CYP2C19: variants seen among roughly 807,000 people sequenced by gnomAD.
CYP2C19 encodes cytochrome P450 2C19.
Under a neutral mutation model 40.9 loss-of-function variants are expected in CYP2C19, and 59 were observed. That is an observed-to-expected ratio of 1.44 (90% confidence interval 1.17 to 1.79). The LOEUF (loss-of-function observed/expected upper bound fraction) is 1.79. Ranked by LOEUF, CYP2C19 falls within the 40% of genes most tolerant of loss-of-function variation. The pLI, the probability that CYP2C19 is intolerant of heterozygous loss-of-function variation, is 0.00. For missense variants in CYP2C19, 754 were observed against 596.9 expected (o/e 1.26, Z -2.74); for synonymous variants, 253 against 208.7 (o/e 1.21, Z -1.83).
At position 94,780,517 on chromosome 10, in the gene CYP2C19, C is replaced by T. The variant is rs990327155; in HGVS notation, c.500C>T (p.Thr167Ile). ...CATTTAGCTTCACCCTGTGATCCCA[C>T]TTTCATCCTGGGCTGTGCTCCCTGC... ...RKTKASPCDP[T>I]FILGCAPCNV... is the part of the protein sequence containing the mutation. Residue 167 changes from threonine to isoleucine, a missense_variant, in exon 4 of 9, where the codon ACT becomes ATT. Physicochemically the swap from Thr to Ile is moderately conservative, Grantham distance 89. Coordinates refer to ENST00000371321, the MANE Select transcript of CYP2C19 (RefSeq NM_000769.4). The T allele has an allele frequency of 7.4e-6, 12 of 1,613,580 alleles. No individual in the cohort carries two copies. The highest frequency in any genetic ancestry group is 1.7e-4 in the Middle Eastern group (1 of 5,862).
At chr10:94,800,007 A>T (rs567289851) in intron 5 of CYP2C19, among the ~76,000 whole-genome samples, 1 of 152,060 alleles carries the variant, frequency 6.6e-6, no homozygotes, top group East Asian at 1.9e-4. Context: ...ACTTCTGTCA[A>T]CTCATCAAAG....
At chr10:94,775,621 G>T (rs1185555849) in intron 3 of CYP2C19, 82 bp downstream of exon 3, 2 of 1,607,890 alleles carry the variant, frequency 1.2e-6, no homozygotes, top group African/African-American at 2.7e-5. Context: ...TTCAGGGGTG[G>T]CCAGATCTTT....
chr10:94,839,388 TTTCCTGCCTTTC>T (rs1168474820), intron 6 of CYP2C19, among the ~76,000 whole-genome samples: 1 of 152,200 alleles, frequency 6.6e-6, no homozygotes, highest in East Asian at 1.9e-4. Context: ...TGCAACTGTT[TTTCCTGCCTTTC>T]TTGACCACAA....
At chr10:94,836,866 C>A (rs540643734) in intron 6 of CYP2C19, among the ~76,000 whole-genome samples, 1 of 152,180 alleles carries the variant, frequency 6.6e-6, no homozygotes, top group East Asian at 1.9e-4. Context: ...CATCCACGTA[C>A]TGAAGGACAA....
intron 6 of CYP2C19, among the ~76,000 whole-genome samples, chr10:94,842,008 T>G (rs972914550): frequency 1.3e-5 from 2 of 152,178 alleles, no homozygotes; most frequent in African/African-American, 4.8e-5. Context: ...ATTAGACCCA[T>G]TTGGTCTATA....
intron 6 of CYP2C19, among the ~76,000 whole-genome samples, chr10:94,823,520 T>G (rs1331302413): frequency 6.6e-6 from 1 of 152,178 alleles, no homozygotes; most frequent in Non-Finnish European, 1.5e-5. Context: ...ATTTTTCTTT[T>G]GCCATCTTAA....
At chr10:94,846,470 G>A (rs1330150904) in intron 7 of CYP2C19, among the ~76,000 whole-genome samples, 1 of 152,106 alleles carries the variant, frequency 6.6e-6, no homozygotes, top group Non-Finnish European at 1.5e-5. Context: ...CATTGAAGGA[G>A]TTCTGCTTTT....
In CYP2C19 at chr10:94,775,090, G is replaced by A; in HGVS notation, c.201G>A (p.Leu67=). 2.5e-6 allele frequency: 4 copies of A among 1,614,146 alleles called. No individual in the cohort carries two copies. Among genetic ancestry groups the A allele is most frequent in the Non-Finnish European group, 3.4e-6 (4 of 1,180,046 alleles). ...LSKIYGPVFT[L]YFGLERMVVL... is the part of the protein sequence containing the mutation. ...AAATCTATGGCCCTGTGTTCACTCT[G>A]TATTTTGGCCTGGAACGCATGGTGG... Residue 67 remains leucine (L), a synonymous_variant, in exon 2 of 9, where the codon CTG becomes CTA. Transcript: ENST00000371321.
chr10:94,795,346 A>T (rs1589356323), intron 5 of CYP2C19, among the ~76,000 whole-genome samples: 1 of 151,748 alleles, frequency 6.6e-6, no homozygotes, highest in Non-Finnish European at 1.5e-5. Context: ...TCCTTTTTTA[A>T]GGCTGCATAG....
intron 6 of CYP2C19, among the ~76,000 whole-genome samples, chr10:94,825,382 T>C (rs1158386235): frequency 6.7e-6 from 1 of 149,910 alleles, no homozygotes; most frequent in African/African-American, 2.5e-5. Context: ...CATTGTGGTT[T>C]TGATTTGCAT....
At chr10:94,796,285 C>T (rs1372807324) in intron 5 of CYP2C19, among the ~76,000 whole-genome samples, 3 of 152,000 alleles carry the variant, frequency 2.0e-5, no homozygotes, top group South Asian at 4.2e-4. Flanking sequence ...TTTTGTCAGG[C>T]TTGTCAAAGA....
chr10:94,830,232 TG>T (rs1849310536), intron 6 of CYP2C19, among the ~76,000 whole-genome samples: 1 of 152,236 alleles, frequency 6.6e-6, no homozygotes, highest in Admixed American at 6.5e-5. Context: ...GCATGGGCAA[TG>T]GCGGGCGCCC....
In CYP2C19 at chr10:94,799,835, T is replaced by G. The variant is rs187142206; in HGVS notation, c.819+17838T>G. On this transcript the variant is annotated intron_variant, in intron 5 of 8. Coordinates refer to ENST00000371321, the MANE Select transcript of CYP2C19 (RefSeq NM_000769.4). Reference sequence around the variant, plus strand: ...TCTGCATGCATCATGAAGTTCTCATTCCATGGTTTTTGGTTCCATCAGGTC... The same window carrying G: ...TCTGCATGCATCATGAAGTTCTCATGCCATGGTTTTTGGTTCCATCAGGTC... 3.1e-3 allele frequency among the ~76,000 whole-genome samples: 475 copies of G among 152,316 alleles called. 3 individuals are homozygous for G. The highest frequency in any genetic ancestry group is 0.011 in the African/African-American group (452 of 41,574).
At chr10:94,804,978 T>C (rs1287985752) in intron 5 of CYP2C19, among the ~76,000 whole-genome samples, 1 of 152,144 alleles carries the variant, frequency 6.6e-6, no homozygotes, top group African/African-American at 2.4e-5. Flanking sequence ...TTTTTCTATA[T>C]ATAGAAACAT....
chr10:94,770,162 G>A (rs529751471), intron 1 of CYP2C19, among the ~76,000 whole-genome samples: 2 of 152,076 alleles, frequency 1.3e-5, no homozygotes, highest in East Asian at 2.0e-4. Flanking sequence ...AGGACTCAGT[G>A]AGGGTGATGA....
At chr10:94,829,050 C>G (rs1055939176) in intron 6 of CYP2C19, among the ~76,000 whole-genome samples, 2 of 152,166 alleles carry the variant, frequency 1.3e-5, no homozygotes, top group African/African-American at 4.8e-5. Context: ...GTCAGATGGG[C>G]TTCCCTTTGA....
At chr10:94,798,764 C>T (rs900600200) in intron 5 of CYP2C19, among the ~76,000 whole-genome samples, 3 of 136,364 alleles carry the variant, frequency 2.2e-5, no homozygotes, top group African/African-American at 8.1e-5. Context: ...CTGTTTTGTT[C>T]TTTGTTGGTT....
At chr10:94,843,486 T>A (rs980441503) in intron 7 of CYP2C19, among the ~76,000 whole-genome samples, 3 of 152,224 alleles carry the variant, frequency 2.0e-5, no homozygotes, top group African/African-American at 7.2e-5. Context: ...TGTCATGGCT[T>A]GCAAGTCTTT....
Position 94,855,004 on chromosome 10 carries a change from T to C in CYP2C19, c.*2090T>C, listed in dbSNP as rs915347500. ...CCCATGGGTGAGATAAATAAAAAAG[T>C]TGTCTAGTCTGTTTCCTCCTGGAGA... On this transcript the variant is annotated 3_prime_UTR_variant, in exon 9 of 9. Coordinates refer to ENST00000371321, the MANE Select transcript of CYP2C19 (RefSeq NM_000769.4). 6.6e-6 allele frequency among the ~76,000 whole-genome samples: 1 copy of C among 152,214 alleles called. No individual in the cohort carries two copies. Among genetic ancestry groups the C allele is most frequent in the East Asian group, 1.9e-4 (1 of 5,192 alleles).
Sources: gnomAD v4.1 joint callset for allele counts (sites outside exome capture counted in the v4.1 genomes callset) on GRCh38, gnomAD v4.1.1 for gene constraint, MANE v1.5 for transcripts, NCBI Gene and HGNC (gene_info 2026-07-23, HGNC 2026-07-21) for gene names.